Variants in NRXN1 observed in about 807,000 individuals in gnomAD.
NRXN1 encodes neurexin-1.
A neutral mutation model predicts 150.9 loss-of-function variants in NRXN1; 39 were observed. The observed-to-expected ratio is 0.26, with a 90% CI of 0.20 to 0.34. The LOEUF (loss-of-function observed/expected upper bound fraction) is 0.34. Among genes scored for constraint, NRXN1 ranks in the 10% least tolerant of loss-of-function variants. The probability of loss-of-function intolerance (pLI) is 1.00; values close to 1 mark genes in which losing one functional copy is unlikely to be tolerated. For missense variants in NRXN1, 1,815 were observed against 1,949.9 expected, an observed-to-expected ratio of 0.93 and a Z score of 1.30; for synonymous variants, 924 against 757.0, an observed-to-expected ratio of 1.22 and a Z score of -3.62.
At chr2:50,872,672 G>A (rs2106106888) in intron 5 of NRXN1, among the ~76,000 whole-genome samples, 1 of 151,750 alleles carries the variant, frequency 6.6e-6, no homozygotes, top group South Asian at 2.1e-4. Context: ...AAAATCTCAG[G>A]CCTGATGCAG....
At chr2:50,880,072 C>T (rs1291583043) in intron 5 of NRXN1, among the ~76,000 whole-genome samples, 4 of 151,926 alleles carry the variant, frequency 2.6e-5, no homozygotes, top group Admixed American at 2.0e-4. Context: ...AAATGGTTCT[C>T]TGCTGCATTT....
At chr2:50,989,673 A>G (rs917032568) in intron 2 of NRXN1, among the ~76,000 whole-genome samples, 2 of 151,978 alleles carry the variant, frequency 1.3e-5, no homozygotes, top group African/African-American at 2.4e-5. Flanking sequence ...GCATGGATGT[A>G]CCCCAGTCTG....
chr2:50,168,021 T>C (rs74349594), intron 18 of NRXN1, among the ~76,000 whole-genome samples: 2,100 of 147,924 alleles, frequency 0.014, 61 homozygotes, highest in African/African-American at 0.05. Context: ...AAGGTTTGCA[T>C]TTTTCCAAAG....
At chr2:50,801,705 A>G (rs748582052) in intron 5 of NRXN1, among the ~76,000 whole-genome samples, 8 of 152,196 alleles carry the variant, frequency 5.3e-5, no homozygotes, top group Non-Finnish European at 7.3e-5. Flanking sequence ...TAGTTTTTGT[A>G]TAATATTTAT....
chr2:50,050,805 C>G (rs1375299095), intron 21 of NRXN1, among the ~76,000 whole-genome samples: 66 of 151,950 alleles, frequency 4.3e-4, no homozygotes, highest in Admixed American at 2.8e-3. Flanking sequence ...CCCATACATA[C>G]ATGTGTTGTT....
rs947342820 is a variant in NRXN1 at position 50,439,902 on chromosome 2, A to G, written c.3364+25540T>C. ...TAATAGATTTATCTTCATGTTACAG[A>G]TTAAAAGAATTACTCAAAATATGCA... On this transcript the variant is annotated intron_variant, in intron 17 of 22. Coordinates refer to ENST00000401669, the MANE Select transcript of NRXN1 (RefSeq NM_001330078.2). 3.3e-5 allele frequency among the ~76,000 whole-genome samples: 5 copies of G among 152,156 alleles called. No homozygotes were observed. In the South Asian group the frequency reaches 1.0e-3, roughly 32 times the overall value.
chr2:50,836,484 C>T (rs1415096295), intron 5 of NRXN1, among the ~76,000 whole-genome samples: 1 of 151,986 alleles, frequency 6.6e-6, no homozygotes, highest in Non-Finnish European at 1.5e-5. Context: ...CCATCCAACT[C>T]CCCACCTCCA....
At chr2:50,248,780 G>A (rs983497006) in intron 17 of NRXN1, among the ~76,000 whole-genome samples, 1 of 152,086 alleles carries the variant, frequency 6.6e-6, no homozygotes, top group Non-Finnish European at 1.5e-5. Flanking sequence ...ATTAGTGTGA[G>A]CTAATTCCTT....
At chr2:50,816,775 G>T (rs1053413352) in intron 5 of NRXN1, among the ~76,000 whole-genome samples, 1 of 152,086 alleles carries the variant, frequency 6.6e-6, no homozygotes, top group African/African-American at 2.4e-5. Flanking sequence ...CCTACGGAGA[G>T]CCTGAACAAG....
intron 5 of NRXN1, among the ~76,000 whole-genome samples, chr2:50,686,053 G>T (rs554039929): frequency 4.6e-5 from 7 of 152,142 alleles, no homozygotes; most frequent in African/African-American, 1.7e-4. Context: ...TTCTCTTTCT[G>T]CTGTCTATGG....
At chr2:50,602,620 T>C (rs1274397977) in intron 8 of NRXN1, among the ~76,000 whole-genome samples, 5 of 152,164 alleles carry the variant, frequency 3.3e-5, no homozygotes, top group Admixed American at 3.3e-4. Flanking sequence ...TCTCCCTTTC[T>C]GCCCCCTTTG....
intron 18 of NRXN1, among the ~76,000 whole-genome samples, chr2:50,224,693 A>AG (rs2064193869): frequency 1.2e-4 from 16 of 130,450 alleles, no homozygotes; most frequent in Non-Finnish European, 2.3e-4. Context: ...GAGAGGGAGA[A>AG]AGAGAGAGAG....
chr2:50,076,624 T>C (rs1481944464), intron 19 of NRXN1, among the ~76,000 whole-genome samples: 3 of 152,204 alleles, frequency 2.0e-5, no homozygotes, highest in Non-Finnish European at 4.4e-5. Flanking sequence ...TGAACCTTCA[T>C]GCTAACCTGC....
chr2:50,645,087 A>G (rs1573943824), intron 5 of NRXN1, among the ~76,000 whole-genome samples: 1 of 151,912 alleles, frequency 6.6e-6, no homozygotes, highest in African/African-American at 2.4e-5. Flanking sequence ...GAGTCACCCC[A>G]GTCACTAAAC....
rs540151762 is a variant in NRXN1 at position 50,536,873 on chromosome 2, T to C, written c.2143+1380A>G. Among the ~76,000 whole-genome samples, 11 of 152,340 alleles carry C rather than the reference T, an allele frequency of 7.2e-5. No individual in the cohort carries two copies. In the East Asian group the frequency reaches 1.4e-3, roughly 19 times the overall value. ...ACTATATAGAAATAGCTAAGTTGTA[T>C]TGACAATTCACAGAAATGCCGGTTA... On this transcript the variant is annotated intron_variant, in intron 10 of 22. Transcript: ENST00000401669.
intron 18 of NRXN1, among the ~76,000 whole-genome samples, chr2:50,130,253 A>G (rs538182773): frequency 9.2e-5 from 14 of 151,908 alleles, no homozygotes; most frequent in Non-Finnish European, 1.9e-4. Context: ...AGAGCTCAAA[A>G]TTTCCCTCAA....
At chr2:50,994,897 G>GC (rs1699040894) in intron 2 of NRXN1, among the ~76,000 whole-genome samples, 1 of 151,622 alleles carries the variant, frequency 6.6e-6, no homozygotes, top group Non-Finnish European at 1.5e-5. Context: ...CAATTACACT[G>GC]TTTTTTTAAA....
At chr2:50,926,811 T>A (rs1408161262) in intron 2 of NRXN1, among the ~76,000 whole-genome samples, 2 of 151,956 alleles carry the variant, frequency 1.3e-5, no homozygotes, top group Non-Finnish European at 2.9e-5. Flanking sequence ...TTGTTAGTCA[T>A]ATTTCCATGT....
chr2:50,726,263 G>A (rs1697352102), intron 5 of NRXN1, among the ~76,000 whole-genome samples: 1 of 152,100 alleles, frequency 6.6e-6, no homozygotes, highest in Non-Finnish European at 1.5e-5. Context: ...TCCATTACGT[G>A]GTTTAATCCT....
Sources: gnomAD v4.1 joint callset for allele counts (sites outside exome capture counted in the v4.1 genomes callset) on GRCh38, gnomAD v4.1.1 for gene constraint, MANE v1.5 for transcripts, NCBI Gene and HGNC (gene_info 2026-07-23, HGNC 2026-07-21) for gene names.